The following FRMD3 variants were observed in gnomAD, a reference collection of about 807,000 sequenced individuals.
FRMD3 encodes FERM domain-containing protein 3.
A neutral mutation model predicts 70.2 loss-of-function variants in FRMD3; 33 were observed. The observed-to-expected ratio is 0.47, with a 90% confidence interval of 0.36 to 0.63. The LOEUF (loss-of-function observed/expected upper bound fraction) is 0.63. Ranked by LOEUF, FRMD3 falls within the 20% of genes least tolerant of loss-of-function variation. The pLI is 0.00. For synonymous variants in FRMD3, 279 were observed against 255.9 expected (o/e 1.09, Z -0.86); for missense variants, 632 against 711.4 (o/e 0.89, Z 1.27).
the FRMD3 span, among the ~76,000 whole-genome samples, chr9:83,550,165 T>A: frequency 2.0e-5 from 3 of 152,220 alleles, no homozygotes; most frequent in Non-Finnish European, 4.4e-5. Context: ...ATCTTCTGCA[T>A]ATGGCTAGCC....
At chr9:83,375,922 G>A (rs1194301063) in intron 2 of FRMD3, among the ~76,000 whole-genome samples, 1 of 152,154 alleles carries the variant, frequency 6.6e-6, no homozygotes, top group African/African-American at 2.4e-5. Context: ...CATTTTGGGA[G>A]GCCAAGGTGG....
At chr9:83,452,342 C>G (rs544813147) in intron 1 of FRMD3, among the ~76,000 whole-genome samples, 1 of 152,126 alleles carries the variant, frequency 6.6e-6, no homozygotes, top group African/African-American at 2.4e-5. Context: ...CTCCCTCAAA[C>G]CTTGTTACAA....
At chr9:83,313,801 C>T (rs1027339793) in intron 6 of FRMD3, 54 bp from the exon 7 acceptor site, 102 of 1,303,094 alleles carry the variant, frequency 7.8e-5, no homozygotes, top group Non-Finnish European at 1.1e-4. Context: ...AATAGAAACT[C>T]GGAATCCCTT....
At chr9:83,486,468 T>C (rs1341283735) in intron 1 of FRMD3, among the ~76,000 whole-genome samples, 1 of 152,214 alleles carries the variant, frequency 6.6e-6, no homozygotes, top group Non-Finnish European at 1.5e-5. Context: ...TTTATGTATT[T>C]AGTTTATATC....
chr9:83,432,640 A>G lies in FRMD3; in HGVS notation c.148-42932T>C, dbSNP rs533883845. 1.2e-4 allele frequency among the ~76,000 whole-genome samples: 18 copies of G among 152,374 alleles called. No homozygotes were observed. In the South Asian group the frequency reaches 3.5e-3, roughly 30 times the overall value. On this transcript the variant is annotated intron_variant, in intron 1 of 13. Coordinates refer to ENST00000304195, the MANE Select transcript of FRMD3 (RefSeq NM_174938.6). Reference sequence around the variant, plus strand: ...ATAAAACAAAGGTCATAGATCACTCATCCAATGCCTGAATAAATATCTGTT... The same window carrying G: ...ATAAAACAAAGGTCATAGATCACTCGTCCAATGCCTGAATAAATATCTGTT...
chr9:83,267,065 T>C (rs1296675282), intron 13 of FRMD3: 3 of 1,550,902 alleles, frequency 1.9e-6, no homozygotes, highest in Admixed American at 3.9e-5. Context: ...AACAAACACA[T>C]TACTGTTGCA....
chr9:83,479,359 G>A lies in FRMD3; in HGVS notation c.147+58726C>T, dbSNP rs552770402. Among the ~76,000 whole-genome samples the A allele has an allele frequency of 4.2e-3, 204 of 48,008 alleles. 2 individuals are homozygous for A. The highest frequency in any genetic ancestry group is 0.015 in the African/African-American group (197 of 13,292). The allele number at this position is 48,008 out of a possible 152,430, so 31.5% of individuals were successfully genotyped here. A position where few individuals can be genotyped will look rare whatever the true frequency, so the allele number is the denominator to read the frequency against. On this transcript the variant is annotated intron_variant, in intron 1 of 13. Transcript: ENST00000304195. ...GAAGAGGAAGAAGGAGGAGGAGGAG[G>A]AGGAAGAAGAAGAGGAGGAGGAGGA...
chr9:83,363,706 C>T (rs1041176108), intron 3 of FRMD3, among the ~76,000 whole-genome samples: 11 of 152,082 alleles, frequency 7.2e-5, no homozygotes, highest in Admixed American at 1.3e-4. Flanking sequence ...AGGCGCCCGC[C>T]ACCTCGCCCG....
At chr9:83,443,788 C>T (rs1222008557) in intron 1 of FRMD3, among the ~76,000 whole-genome samples, 1 of 152,182 alleles carries the variant, frequency 6.6e-6, no homozygotes, top group Non-Finnish European at 1.5e-5. Context: ...TTCTCCACAT[C>T]CTCTCCAGCA....
chr9:83,351,019 A>C, intron 3 of FRMD3: 1 of 968,770 alleles, frequency 1.0e-6, no homozygotes, highest in Non-Finnish European at 1.2e-6. Flanking sequence ...TGTATCAGTA[A>C]AGCTACTTGG....
chr9:83,329,543 C>T (rs11140030), intron 6 of FRMD3, among the ~76,000 whole-genome samples: 21,645 of 152,080 alleles, frequency 0.14, 1,693 homozygotes, highest in East Asian at 0.23. Context: ...GAAACCTAGA[C>T]GTTTTTAAAA....
At chr9:83,392,117 T>C (rs950517901) in intron 1 of FRMD3, among the ~76,000 whole-genome samples, 1 of 151,818 alleles carries the variant, frequency 6.6e-6, no homozygotes, top group African/African-American at 2.4e-5. Flanking sequence ...AATTGTCTCT[T>C]CCTTAACTCA....
intron 5 of FRMD3, among the ~76,000 whole-genome samples, chr9:83,342,890 A>C (rs1823820258): frequency 6.6e-6 from 1 of 152,160 alleles, no homozygotes; most frequent in African/African-American, 2.4e-5. Context: ...AGCTTCTTAT[A>C]AACCCACCCA....
At chr9:83,329,211 C>T (rs1587730935) in intron 6 of FRMD3, among the ~76,000 whole-genome samples, 2 of 152,168 alleles carry the variant, frequency 1.3e-5, no homozygotes, top group East Asian at 3.8e-4. Context: ...TCCCATCTTC[C>T]CCCTTCCTAA....
intron 6 of FRMD3, chr9:83,331,949 T>TAG: frequency 1.4e-6 from 1 of 709,282 alleles, no homozygotes; most frequent in Non-Finnish European, 2.6e-6. Flanking sequence ...ATGAATCACT[T>TAG]CCGAAATGAA....
chr9:83,506,296 G>C (rs1314357662), intron 1 of FRMD3, among the ~76,000 whole-genome samples: 1 of 152,078 alleles, frequency 6.6e-6, no homozygotes, highest in Non-Finnish European at 1.5e-5. Flanking sequence ...CCAAATAATG[G>C]AATACAGTCA....
intron 1 of FRMD3, among the ~76,000 whole-genome samples, chr9:83,494,858 TGCGC>T (rs67136269): frequency 0.078 from 11,613 of 148,690 alleles, 531 homozygotes; most frequent in South Asian, 0.1. Flanking sequence ...TGTGTGTGTG[TGCGC>T]GCGCGCATGT....
intron 1 of FRMD3, among the ~76,000 whole-genome samples, chr9:83,476,676 A>T (rs978667136): frequency 1.2e-4 from 18 of 152,298 alleles, no homozygotes; most frequent in Admixed American, 9.8e-4. Flanking sequence ...AGGGTCAATA[A>T]ACTAAATATA....
intron 5 of FRMD3, 40 bp downstream of exon 5, chr9:83,343,150 C>G (rs1823831079): frequency 7.2e-7 from 1 of 1,379,762 alleles, no homozygotes; most frequent in East Asian, 2.3e-5. Flanking sequence ...CAGAGCTCCA[C>G]AGTGCAAAGG....
Sources: gnomAD v4.1 joint callset for allele counts (sites outside exome capture counted in the v4.1 genomes callset) on GRCh38, gnomAD v4.1.1 for gene constraint, MANE v1.5 for transcripts, NCBI Gene and HGNC (gene_info 2026-07-23, HGNC 2026-07-21) for gene names.